The following NHSL2 variants were observed in gnomAD, a reference collection of about 807,000 sequenced individuals.
The protein encoded by NHSL2 is NHS-like protein 2.
Under a neutral mutation model 53.4 loss-of-function variants are expected in NHSL2, and 27 were observed. The ratio of observed to expected loss-of-function variants is 0.51; its 90% confidence interval spans 0.37 to 0.70. NHSL2 has a LOEUF of 0.70. NHSL2 is among the 30% of genes least tolerant of loss of function. The probability of loss-of-function intolerance (pLI) is 0.00; values close to 1 mark genes in which losing one functional copy is unlikely to be tolerated. For missense variants in NHSL2, 892 were observed against 980.1 expected (o/e 0.91, Z 1.20); for synonymous variants, 408 against 404.1 (o/e 1.01, Z -0.12).
At position 72,140,641 on chromosome X, in the gene NHSL2, G is replaced by A; in HGVS notation, c.3093G>A (p.Leu1031=). The A allele has an allele frequency of 8.3e-7, 1 of 1,211,929 alleles. No homozygotes were observed. Among genetic ancestry groups the A allele is most frequent in the Non-Finnish European group, 1.1e-6 (1 of 895,300 alleles). The change falls in exon 6 of 8, where the codon CTG becomes CTA. Residue 1031 remains leucine (L), a synonymous_variant. Coordinates refer to ENST00000633930, the MANE Select transcript of NHSL2 (RefSeq NM_001013627.3). ...QMEAYVAEPR[L]PLSPIITLEE... is the part of the protein sequence containing the mutation. ...AGGCCTATGTGGCAGAACCAAGGCT[G>A]CCTCTCAGCCCCATCATCACCCTGG...
intron 1 of NHSL2, among the ~76,000 whole-genome samples, chrX:72,068,717 G>C (rs1351937048): frequency 9.0e-6 from 1 of 111,588 alleles, no homozygotes; most frequent in Non-Finnish European, 1.9e-5. Context: ...TATTTGCTGT[G>C]GGACTCATGG....
chrX:72,039,674 C>A (rs1194720533), intron 1 of NHSL2, among the ~76,000 whole-genome samples: 4 of 111,770 alleles, frequency 3.6e-5, no homozygotes, highest in Non-Finnish European at 5.6e-5. Context: ...GCCAGAGACC[C>A]CATGATACGT....
intron 1 of NHSL2, among the ~76,000 whole-genome samples, chrX:71,981,077 A>C (rs927154276): frequency 2.7e-5 from 3 of 112,555 alleles, no homozygotes; most frequent in African/African-American, 9.7e-5. Flanking sequence ...GTTAGAAGAC[A>C]GTGTAGTTGT....
At chrX:72,066,536 C>T (rs1169624827) in intron 1 of NHSL2, among the ~76,000 whole-genome samples, 1 of 111,245 alleles carries the variant, frequency 9.0e-6, no homozygotes, top group East Asian at 2.8e-4. Flanking sequence ...GAGGTGAGGA[C>T]ATGGGACACG....
intron 1 of NHSL2, among the ~76,000 whole-genome samples, chrX:71,982,127 A>G (rs1169177855): frequency 2.7e-5 from 3 of 112,628 alleles, no homozygotes; most frequent in East Asian, 5.6e-4. Flanking sequence ...GTATATTCAT[A>G]TGATGGAACC....
intron 1 of NHSL2, 51 bp downstream of exon 1, chrX:71,911,418 G>A: frequency 2.0e-6 from 2 of 1,000,018 alleles, no homozygotes; most frequent in South Asian, 2.9e-5. Flanking sequence ...CCCGCCTCTA[G>A]GGGCGCCGGT....
chrX:72,086,351 G>A lies in NHSL2; in HGVS notation c.281-45728G>A, dbSNP rs1246317461. ...TAGGGAGATGCAGTAAGTAATGGGGGTCACAGGGAGGCGCAGGGGTCGGCT... is the reference window on the plus strand; with the variant it reads ...TAGGGAGATGCAGTAAGTAATGGGGATCACAGGGAGGCGCAGGGGTCGGCT... On this transcript the variant is annotated intron_variant, in intron 1 of 7. Coordinates refer to ENST00000633930, the MANE Select transcript of NHSL2 (RefSeq NM_001013627.3). Among the ~76,000 whole-genome samples the A allele has an allele frequency of 3.6e-5, 4 of 111,830 alleles. No individual in the cohort carries two copies. In the East Asian group the frequency reaches 8.4e-4, roughly 23 times the overall value.
chrX:72,022,892 C>G (rs2042167149), intron 1 of NHSL2, among the ~76,000 whole-genome samples: 1 of 111,536 alleles, frequency 9.0e-6, no homozygotes, highest in Non-Finnish European at 1.9e-5. Context: ...TGCATTCCAG[C>G]CTGGATACAG....
In NHSL2 at chrX:72,138,926, C is replaced by A; in HGVS notation, c.1378C>A (p.Arg460Ser). 1 of 1,208,872 alleles carries A rather than the reference C, an allele frequency of 8.3e-7. No homozygotes were observed. Among genetic ancestry groups the A allele is most frequent in the South Asian group, 1.8e-5 (1 of 56,327 alleles). ...CAGTGGGTCAGCTGGCTACCCTGAG[C>A]GCCTTATTCAGCAAAGGCACATGCC... Reference protein sequence around the residue: ...GCSGSAGYPERLIQQRHMPER... With the variant: ...GCSGSAGYPESLIQQRHMPER... The change falls in exon 6 of 8, where the codon CGC becomes AGC. Residue 460 changes from arginine (R) to serine (S), a missense_variant. Physicochemically the swap from Arg to Ser is moderately radical, Grantham distance 110. Coordinates refer to ENST00000633930, the MANE Select transcript of NHSL2 (RefSeq NM_001013627.3).
chrX:71,920,898 G>T (rs1225003756), intron 1 of NHSL2, among the ~76,000 whole-genome samples: 2 of 109,974 alleles, frequency 1.8e-5, no homozygotes, highest in East Asian at 5.9e-4. Flanking sequence ...CTGCCTCCCA[G>T]GTTCAAGTGA....
intron 1 of NHSL2, among the ~76,000 whole-genome samples, chrX:72,000,870 C>A (rs1463932898): frequency 2.7e-5 from 3 of 112,525 alleles, no homozygotes; most frequent in African/African-American, 9.7e-5. Context: ...AACCTTAGTT[C>A]CCCTTGTTAT....
intron 1 of NHSL2, among the ~76,000 whole-genome samples, chrX:71,976,568 T>G (rs775924750): frequency 9.0e-6 from 1 of 111,681 alleles, no homozygotes; most frequent in African/African-American, 3.3e-5. Flanking sequence ...TCCTGTCTTA[T>G]TAATTTTTTT....
rs751349644 is a variant in NHSL2, at chrX:72,093,713, G to GCTTTCTTTCTTTCTTTCTTTCTTTCTTT, written c.281-38363_281-38362insTCTTTCTTTCTTTCTTTCTTTCTTTCTT. 2.2e-4 allele frequency among the ~76,000 whole-genome samples: 11 copies of GCTTTCTTTCTTTCTTTCTTTCTTTCTTT among 50,881 alleles called. No individual in the cohort carries two copies. In the East Asian group the frequency reaches 2.4e-3, roughly 11 times the overall value. The allele number at this position is 50,881 out of a possible 115,157, so 44.2% of individuals were successfully genotyped here. On this transcript the variant is annotated intron_variant, in intron 1 of 7. Transcript: ENST00000633930. Reference sequence around the variant, plus strand: ...TGTGTGTGAATATTCCCCTAGTATAGCTTGCTTGCTTTCTTTCTTTCTTTC... The same window carrying GCTTTCTTTCTTTCTTTCTTTCTTTCTTT: ...TGTGTGTGAATATTCCCCTAGTATAGCTTTCTTTCTTTCTTTCTTTCTTTCTTTCTTGCTTGCTTTCTTTCTTTCTTTC...
intron 1 of NHSL2, among the ~76,000 whole-genome samples, chrX:72,117,481 A>G (rs996371805): frequency 9.2e-6 from 1 of 108,858 alleles, no homozygotes. Flanking sequence ...GAAGCATACA[A>G]TTCACTGGGT....
At chrX:72,118,273 A>G (rs1359400294) in intron 1 of NHSL2, among the ~76,000 whole-genome samples, 1 of 111,990 alleles carries the variant, frequency 8.9e-6, no homozygotes, top group African/African-American at 3.2e-5. Context: ...ATATAGTACT[A>G]TCTTTTGAGA....
At position 72,138,693 on chromosome X, in the gene NHSL2, G is replaced by T. The variant is rs1297720615; in HGVS notation, c.1145G>T (p.Gly382Val). 1.3e-5 allele frequency: 15 copies of T among 1,196,658 alleles called. No individual in the cohort carries two copies. Among genetic ancestry groups the T allele is most frequent in the Non-Finnish European group, 1.6e-5 (14 of 887,911 alleles). ...MVYSVPSSCNGPTESTFSTSW... is the reference protein window; with the variant it reads ...MVYSVPSSCNVPTESTFSTSW... ...TACAGTGTCCCCAGTTCTTGCAATG[G>T]ACCTACAGAATCAACCTTCTCCACT... is the stretch of plus-strand genomic sequence containing the variant. The change falls in exon 6 of 8, where the codon GGA becomes GTA. Residue 382 changes from glycine (G) to valine (V), a missense_variant. Transcript: ENST00000633930.
chrX:72,140,033 C>T lies in NHSL2; in HGVS notation c.2485C>T (p.Arg829Cys), dbSNP rs1426965475. The change falls in exon 6 of 8, where the codon CGT (arginine) becomes TGT (cysteine). Residue 829 changes from arginine (R) to cysteine (C), a missense_variant. Transcript: ENST00000633930. ...IMPMVTQSDL[R>C]SVRLRSVSKS... is the part of the protein sequence containing the mutation. ...GCCTATGGTTACTCAGTCCGACCTA[C>T]GTTCTGTTCGCCTGAGGTCGGTCAG... 2.5e-6 allele frequency: 3 copies of T among 1,209,894 alleles called. No individual in the cohort carries two copies. Among genetic ancestry groups the T allele is most frequent in the Non-Finnish European group, 3.4e-6 (3 of 894,391 alleles).
chrX:71,948,228 T>G (rs921092685), intron 1 of NHSL2, among the ~76,000 whole-genome samples: 25 of 112,275 alleles, frequency 2.2e-4, no homozygotes, highest in Non-Finnish European at 4.5e-4. Context: ...GTTGAGGCAG[T>G]TTGGCCCAGG....
At chrX:72,051,158 C>T (rs1456129244) in intron 1 of NHSL2, among the ~76,000 whole-genome samples, 1 of 112,171 alleles carries the variant, frequency 8.9e-6, no homozygotes, top group Non-Finnish European at 1.9e-5. Context: ...GTCCCTTTTA[C>T]ACCCATAGAT....
Sources: allele counts gnomAD v4.1 joint callset (sites outside exome capture counted in the v4.1 genomes callset), GRCh38; gene constraint gnomAD v4.1.1; transcripts MANE v1.5; gene names NCBI Gene and HGNC (gene_info 2026-07-23, HGNC 2026-07-21).